The following DAB1 variants were observed in gnomAD, a reference collection of about 807,000 sequenced individuals.
The protein encoded by DAB1 is DAB adaptor protein 1.
DAB1 carries 15 observed loss-of-function variants against 64.6 expected under a neutral mutation model. The ratio of observed to expected loss-of-function variants is 0.23; its 90% CI spans 0.16 to 0.36. The LOEUF (loss-of-function observed/expected upper bound fraction) is 0.36, where lower values mean the gene tolerates loss of function less well. Ranked by LOEUF, DAB1 falls within the 10% of genes least tolerant of loss-of-function variation. The pLI is 1.00. For synonymous variants in DAB1, 235 were observed against 251.9 expected (o/e 0.93, Z 0.64); for missense variants, 596 against 706.7 (o/e 0.84, Z 1.78).
At chr1:57,348,668 T>C (rs1678321908) in intron 1 of DAB1, among the ~76,000 whole-genome samples, 1 of 152,142 alleles carries the variant, frequency 6.6e-6, no homozygotes, top group African/African-American at 2.4e-5. Context: ...CCAACTAGAA[T>C]GCCTCTTCTC....
intron 4 of DAB1, among the ~76,000 whole-genome samples, chr1:58,316,285 TG>T (rs1323906685): frequency 6.6e-6 from 1 of 152,248 alleles, no homozygotes; most frequent in African/African-American, 2.4e-5. Context: ...CAGAGCAGAC[TG>T]TCTGGGTCTG....
At chr1:57,894,363 C>T (rs1043263511) in intron 5 of DAB1, among the ~76,000 whole-genome samples, 1 of 152,156 alleles carries the variant, frequency 6.6e-6, no homozygotes, top group Non-Finnish European at 1.5e-5. Flanking sequence ...CCACTGCTAA[C>T]AGGGGGAGAT....
At chr1:57,453,225 A>T (rs1686456445) in intron 7 of DAB1, among the ~76,000 whole-genome samples, 1 of 152,180 alleles carries the variant, frequency 6.6e-6, no homozygotes, top group Non-Finnish European at 1.5e-5. Flanking sequence ...AAGAGCTCCA[A>T]TTACTTTTCT....
In DAB1 at chr1:57,318,076, A is replaced by G. The variant is rs191357473; in HGVS notation, c.-136-26910T>C. ...CGGAGTATTTCCAAATGGCAAGGTC[A>G]GAGCCATCTACAAATCGCACACAGC... is the stretch of plus-strand genomic sequence containing the variant. On this transcript the variant is annotated intron_variant, in intron 1 of 14. Coordinates refer to ENST00000371236, the MANE Select transcript of DAB1 (RefSeq NM_001365792.1). 1.1e-3 allele frequency among the ~76,000 whole-genome samples: 166 copies of G among 151,530 alleles called. 1 individual carries two copies. Among genetic ancestry groups the G allele is most frequent in the Non-Finnish European group, 2.1e-3 (144 of 67,938 alleles).
At chr1:57,954,753 T>C (rs914083745) in intron 5 of DAB1, among the ~76,000 whole-genome samples, 1 of 152,214 alleles carries the variant, frequency 6.6e-6, no homozygotes, top group Non-Finnish European at 1.5e-5. Flanking sequence ...TGCAGTCTGT[T>C]AGAGAAGAGT....
intron 7 of DAB1, among the ~76,000 whole-genome samples, chr1:57,635,007 G>A (rs1034393982): frequency 1.3e-5 from 2 of 152,086 alleles, no homozygotes; most frequent in African/African-American, 2.4e-5. Context: ...GCAGAGGGAC[G>A]GCCAGTTCAG....
chr1:58,293,816 A>T (rs1278561433), intron 4 of DAB1, among the ~76,000 whole-genome samples: 1 of 152,216 alleles, frequency 6.6e-6, no homozygotes, highest in African/African-American at 2.4e-5. Flanking sequence ...AAGACAAAAC[A>T]TCTCAGAAAT....
intron 4 of DAB1, among the ~76,000 whole-genome samples, chr1:58,309,301 C>G (rs928516747): frequency 6.6e-6 from 1 of 152,104 alleles, no homozygotes; most frequent in Non-Finnish European, 1.5e-5. Context: ...ACTTTCGGAG[C>G]CTCAAATGTT....
At chr1:57,140,219 G>A (rs1658472718) in intron 3 of DAB1, among the ~76,000 whole-genome samples, 1 of 152,132 alleles carries the variant, frequency 6.6e-6, no homozygotes, top group Non-Finnish European at 1.5e-5. Context: ...AGTCACCACT[G>A]GAAACTGGAA....
chr1:57,719,709 C>T (rs1038152341), intron 6 of DAB1, among the ~76,000 whole-genome samples: 13 of 152,244 alleles, frequency 8.5e-5, no homozygotes, highest in African/African-American at 1.9e-4. Flanking sequence ...GTGGCCTCCC[C>T]AGCCATGTGG....
chr1:57,776,002 T>G (rs1329099564), intron 6 of DAB1, among the ~76,000 whole-genome samples: 1 of 151,780 alleles, frequency 6.6e-6, no homozygotes, highest in Non-Finnish European at 1.5e-5. Context: ...AAGCCTACTT[T>G]GTCTAAAATT....
intron 7 of DAB1, among the ~76,000 whole-genome samples, chr1:57,590,011 AT>A (rs1645425084): frequency 6.6e-6 from 1 of 152,122 alleles, no homozygotes; most frequent in Admixed American, 6.6e-5. Flanking sequence ...ATTATATACT[AT>A]TTTAGTTTGC....
At chr1:58,032,708 A>G (rs1032508962) in intron 5 of DAB1, among the ~76,000 whole-genome samples, 7 of 152,108 alleles carry the variant, frequency 4.6e-5, no homozygotes, top group African/African-American at 1.7e-4. Context: ...TCCACCCTTC[A>G]CTGTGTAGCC....
chr1:58,349,340 G>A (rs944483603), intron 3 of DAB1, among the ~76,000 whole-genome samples: 6 of 152,156 alleles, frequency 3.9e-5, no homozygotes, highest in Non-Finnish European at 5.9e-5. Flanking sequence ...AGTGCATAGC[G>A]GGGAAAAGCA....
chr1:57,613,849 G>A (rs1442373573), intron 7 of DAB1, among the ~76,000 whole-genome samples: 2 of 152,158 alleles, frequency 1.3e-5, no homozygotes, highest in Non-Finnish European at 2.9e-5. Flanking sequence ...CAAATTCCAG[G>A]TGGGCACCTA....
intron 1 of DAB1, among the ~76,000 whole-genome samples, chr1:57,831,457 G>T (rs1652583795): frequency 6.6e-6 from 1 of 151,554 alleles, no homozygotes; most frequent in African/African-American, 2.4e-5. Flanking sequence ...GCTAGTCTTA[G>T]GTAACCCCAC....
intron 4 of DAB1, among the ~76,000 whole-genome samples, chr1:58,205,545 G>T (rs17117101): frequency 0.19 from 28,746 of 152,106 alleles, 2,911 homozygotes; most frequent in East Asian, 0.37. Context: ...TATATAAAGT[G>T]GACCTAAAGT....
At chr1:58,172,058 G>A (rs1372597536) in intron 4 of DAB1, among the ~76,000 whole-genome samples, 3 of 152,254 alleles carry the variant, frequency 2.0e-5, no homozygotes, top group South Asian at 2.1e-4. Flanking sequence ...CGGATACAGC[G>A]AGATAGCCAG....
At chr1:57,237,134 T>C (rs1035209380) in intron 2 of DAB1, among the ~76,000 whole-genome samples, 2 of 152,172 alleles carry the variant, frequency 1.3e-5, no homozygotes, top group African/African-American at 2.4e-5. Context: ...ACGAGAGAGA[T>C]TGTTTCATTT....
Sources: allele counts gnomAD v4.1 joint callset (sites outside exome capture counted in the v4.1 genomes callset), GRCh38; gene constraint gnomAD v4.1.1; transcripts MANE v1.5; gene names NCBI Gene and HGNC (gene_info 2026-07-23, HGNC 2026-07-21).